The following ADAMTS7 variants were observed in gnomAD, a reference collection of about 807,000 sequenced individuals.
ADAMTS7 encodes A disintegrin and metalloproteinase with thrombospondin motifs 7.
In ADAMTS7, 89 loss-of-function variants were observed where a neutral mutation model predicts 172.6. The observed-to-expected ratio is 0.52, with a 90% CI of 0.43 to 0.61. ADAMTS7 has a LOEUF of 0.61. Ranked by LOEUF, ADAMTS7 falls within the 20% of genes least tolerant of loss-of-function variation. The probability of loss-of-function intolerance (pLI) is 0.00; values close to 1 mark genes in which losing one functional copy is unlikely to be tolerated. For synonymous variants in ADAMTS7, 885 were observed against 978.4 expected, an observed-to-expected ratio of 0.90 and a Z score of 1.78; for missense variants, 1,973 against 2,355.6, an observed-to-expected ratio of 0.84 and a Z score of 3.36.
intron 1 of ADAMTS7, among the ~76,000 whole-genome samples, chr15:78,804,575 A>G (rs1206647527): frequency 5.3e-5 from 8 of 152,168 alleles, no homozygotes; most frequent in Non-Finnish European, 1.2e-4. Flanking sequence ...GCGGAAACCA[A>G]ACTTGCCCTC....
chr15:78,792,642 GTC>G lies in ADAMTS7; in HGVS notation c.820-1421_820-1420del, dbSNP rs1312891751. 4.6e-5 allele frequency among the ~76,000 whole-genome samples: 7 copies of G among 152,212 alleles called. No homozygotes were observed. In the East Asian group the frequency reaches 1.4e-3, roughly 29 times the overall value. Reference sequence around the variant, plus strand: ...CCAGCCTGGCCAAATGGTGAAACCCGTCTCTACTAAAAATACAAAAATTAGCT... The same window carrying G: ...CCAGCCTGGCCAAATGGTGAAACCCGTCTACTAAAAATACAAAAATTAGCT... On this transcript the variant is annotated intron_variant, in intron 4 of 23. Coordinates refer to ENST00000388820, the MANE Select transcript of ADAMTS7 (RefSeq NM_014272.5).
rs1394092358 is a variant in ADAMTS7 at position 78,768,111 on chromosome 15, C to T, written c.2645+22G>A. 105 of 872,558 alleles carry T rather than the reference C, an allele frequency of 1.2e-4. 1 individual carries two copies. Among genetic ancestry groups the T allele is most frequent in the East Asian group, 8.0e-4 (11 of 13,702 alleles). 54.1% of individuals were successfully genotyped at this position (872,558 alleles called of 1,614,324 possible). A position where few individuals can be genotyped will look rare whatever the true frequency, so the allele number is the denominator to read the frequency against. On this transcript the variant is annotated intron_variant, in intron 17 of 23. Coordinates refer to ENST00000388820, the MANE Select transcript of ADAMTS7 (RefSeq NM_014272.5). ...GGCGGGGGATGGGGTGGGGAGTTGGCGGGGGATGGGGGCGGGCTCACCTGG... is the reference window on the plus strand; with the variant it reads ...GGCGGGGGATGGGGTGGGGAGTTGGTGGGGGATGGGGGCGGGCTCACCTGG...
intron 23 of ADAMTS7, among the ~76,000 whole-genome samples, chr15:78,761,251 C>T (rs772036626): frequency 1.8e-4 from 28 of 152,324 alleles, no homozygotes; most frequent in Admixed American, 6.5e-4. Flanking sequence ...GAGAAGGCAG[C>T]GTTGGACAAG....
chr15:78,766,389 C>T lies in ADAMTS7; in HGVS notation c.3522G>A (p.Leu1174=), dbSNP rs1015642796. 6.2e-7 allele frequency: 1 copy of T among 1,606,846 alleles called. No homozygotes were observed. The highest frequency in any genetic ancestry group is 8.5e-7 in the Non-Finnish European group (1 of 1,178,330). Residue 1174 remains leucine (L), a synonymous_variant, in exon 19 of 24, where the codon CTG becomes CTA. Transcript: ENST00000388820. ...IGAPDLGLPS[L]SWPRVSTDGL... ...CATCAGTGGAAACCCTGGGCCAGGA[C>T]AGGCTGGGGAGCCCAAGATCTGGGG... is the stretch of plus-strand genomic sequence containing the variant.
intron 6 of ADAMTS7, 131 bp from the exon 7 acceptor site, chr15:78,789,969 T>C (rs2055557005): frequency 1.5e-6 from 2 of 1,325,014 alleles, no homozygotes; most frequent in South Asian, 1.5e-5. Context: ...TTCTGTGACA[T>C]GAGGCCAGCA....
intron 4 of ADAMTS7, 68 bp downstream of exon 4, chr15:78,796,522 C>A: frequency 6.5e-7 from 1 of 1,538,126 alleles, no homozygotes; most frequent in Non-Finnish European, 8.9e-7. Flanking sequence ...TCCTGCCCTG[C>A]ACCCACTCTT....
At chr15:78,773,235 G>C (rs2055283008) in intron 13 of ADAMTS7, 32 bp from the exon 14 acceptor site, 1 of 1,395,888 alleles carries the variant, frequency 7.2e-7, no homozygotes, top group African/African-American at 1.4e-5. Flanking sequence ...GGGCCCTGGT[G>C]CTGGCGGCCA....
chr15:78,784,690 A>G (rs1199451080), intron 8 of ADAMTS7, among the ~76,000 whole-genome samples: 1 of 152,086 alleles, frequency 6.6e-6, no homozygotes, highest in Non-Finnish European at 1.5e-5. Flanking sequence ...GAGAGAGAGA[A>G]AGAGAGAGAG....
At chr15:78,809,196 T>G (rs1275298988) in intron 1 of ADAMTS7, among the ~76,000 whole-genome samples, 2 of 152,002 alleles carry the variant, frequency 1.3e-5, no homozygotes, top group African/African-American at 2.4e-5. Flanking sequence ...GGTCCCTGGG[T>G]CAGTCACAAG....
In ADAMTS7 at chr15:78,782,908, G is replaced by A. The variant is rs535669984; in HGVS notation, c.1323-5320C>T. ...CAGAGGGCCGGGGATCACTCCCTGG[G>A]GAGGGTGAACCAGGAGGCTCTGGCC... On this transcript the variant is annotated intron_variant, in intron 8 of 23. Transcript: ENST00000388820. 3.2e-3 allele frequency among the ~76,000 whole-genome samples: 488 copies of A among 152,178 alleles called. 2 individuals are homozygous for A. Among genetic ancestry groups the A allele is most frequent in the East Asian group, 0.019 (100 of 5,170 alleles).
chr15:78,795,892 G>C (rs1018659990), intron 4 of ADAMTS7, among the ~76,000 whole-genome samples: 1 of 152,156 alleles, frequency 6.6e-6, no homozygotes, highest in Non-Finnish European at 1.5e-5. Context: ...CAGTGCCCCC[G>C]GTGGGACTTA....
chr15:78,782,507 G>A (rs1365257645), intron 8 of ADAMTS7, among the ~76,000 whole-genome samples: 3 of 151,846 alleles, frequency 2.0e-5, no homozygotes, highest in Non-Finnish European at 4.4e-5. Context: ...ATGGCATGTT[G>A]AGCAGACAGA....
At chr15:78,787,381 C>T (rs531895504) in intron 8 of ADAMTS7, among the ~76,000 whole-genome samples, 10 of 149,714 alleles carry the variant, frequency 6.7e-5, no homozygotes, top group East Asian at 3.9e-4. Context: ...CAGAACAGGC[C>T]GGGCATGGTG....
intron 1 of ADAMTS7, 51 bp downstream of exon 1, chr15:78,811,070 G>A: frequency 3.3e-6 from 4 of 1,227,290 alleles, no homozygotes; most frequent in East Asian, 3.2e-5. Context: ...GAGACTGGGG[G>A]AGCGGGAAGG....
chr15:78,810,350 T>A (rs1442350133), intron 1 of ADAMTS7: 2 of 152,268 alleles, frequency 1.3e-5, no homozygotes. Flanking sequence ...GTCTCCTACA[T>A]CCTCGGTTAC....
intron 16 of ADAMTS7, among the ~76,000 whole-genome samples, chr15:78,769,809 TC>T (rs1736806193): frequency 6.6e-6 from 1 of 152,236 alleles, no homozygotes; most frequent in Admixed American, 6.5e-5. Context: ...GAAAGACAGT[TC>T]CCCAAATGTC....
At chr15:78,806,263 A>T (rs1339605117) in intron 1 of ADAMTS7, among the ~76,000 whole-genome samples, 1 of 152,064 alleles carries the variant, frequency 6.6e-6, no homozygotes, top group Non-Finnish European at 1.5e-5. Flanking sequence ...AATGAAGAAA[A>T]GTTTCATCAA....
intron 20 of ADAMTS7, 93 bp downstream of exon 20, chr15:78,764,462 C>G: frequency 6.9e-7 from 1 of 1,439,300 alleles, no homozygotes; most frequent in Non-Finnish European, 9.2e-7. Context: ...TGGGGCCCTC[C>G]CCTTCCCTGC....
rs555699666 is a variant in ADAMTS7, at chr15:78,766,427, T to A, written c.3484A>T (p.Thr1162Ser). Reference sequence around the variant, plus strand: ...CCAAGATCTGGGGCCCCTATGGGGGTGTCTTCCTCAGGCAGGAAATTGATC... The same window carrying A: ...CCAAGATCTGGGGCCCCTATGGGGGAGTCTTCCTCAGGCAGGAAATTGATC... ...PLINFLPEEDTPIGAPDLGLP... is the reference protein window; with the variant it reads ...PLINFLPEEDSPIGAPDLGLP... The change falls in exon 19 of 24, where the codon ACC (threonine) becomes TCC (serine). Residue 1162 changes from threonine (T) to serine (S), a missense_variant. Around this residue, in one of 8 missense-constraint regions of ADAMTS7, gnomAD observed 771 missense variants for 952.6 expected, o/e 0.81. Transcript: ENST00000388820. 6.3e-7 allele frequency: 1 copy of A among 1,585,710 alleles called. No individual in the cohort carries two copies. The highest frequency in any genetic ancestry group is 8.6e-7 in the Non-Finnish European group (1 of 1,168,992).
Sources: allele counts gnomAD v4.1 joint callset (sites outside exome capture counted in the v4.1 genomes callset), GRCh38; gene constraint gnomAD v4.1.1; regional missense constraint gnomAD v4.1.1; transcripts MANE v1.5; gene names NCBI Gene and HGNC (gene_info 2026-07-23, HGNC 2026-07-21).